PNLIPRP3: variants seen among roughly 807,000 people sequenced by gnomAD.
The protein encoded by PNLIPRP3 is pancreatic lipase related protein 3.
Under a neutral mutation model 52.8 loss-of-function variants are expected in PNLIPRP3, and 58 were observed. That is an observed-to-expected ratio of 1.10 (90% CI 0.89 to 1.37). PNLIPRP3 has a LOEUF of 1.37. Ranked by LOEUF, PNLIPRP3 falls within the 40% of genes most tolerant of loss-of-function variation. The probability of loss-of-function intolerance (pLI) is 0.00; values close to 1 mark genes in which losing one functional copy is unlikely to be tolerated. For synonymous variants in PNLIPRP3, 192 were observed against 185.0 expected (o/e 1.04, Z -0.31); for missense variants, 593 against 561.6 (o/e 1.06, Z -0.57).
Position 116,469,430 on chromosome 10 carries a change from T to A in PNLIPRP3, c.1060+113T>A, listed in dbSNP as rs563241579. ...ACTGGGCATTAGGCCAGACTGGGAT[T>A]TCAGTGAAGAACAACACAGTGAGGT... On this transcript the variant is annotated intron_variant, in intron 9 of 11. Coordinates refer to ENST00000369230, the MANE Select transcript of PNLIPRP3 (RefSeq NM_001011709.3). The A allele has an allele frequency of 2.7e-6, 3 of 1,102,804 alleles. No homozygotes were observed. The African/African-American group carries it at 4.9e-5, about 18-fold the overall frequency. The allele number at this position is 1,102,804 out of a possible 1,614,324, so 68.3% of individuals were successfully genotyped here.
At position 116,477,638 on chromosome 10, in the gene PNLIPRP3, T is replaced by C. The variant is rs779776207; in HGVS notation, c.*485T>C. Reference sequence around the variant, plus strand: ...ATATAGTAGATTATAACCTTGTGGGTTGATGTGTCTATCTAGTAATAATAA... The same window carrying C: ...ATATAGTAGATTATAACCTTGTGGGCTGATGTGTCTATCTAGTAATAATAA... On this transcript the variant is annotated 3_prime_UTR_variant, in exon 12 of 12. Coordinates refer to ENST00000369230, the MANE Select transcript of PNLIPRP3 (RefSeq NM_001011709.3). 6.6e-6 allele frequency: 1 copy of C among 152,456 alleles called. No homozygotes were observed. The highest frequency in any genetic ancestry group is 2.4e-5 in the African/African-American group (1 of 41,454). The allele number at this position is 152,456 out of a possible 1,614,324, so 9.4% of individuals were successfully genotyped here.
At chr10:116,460,445 C>A (rs564954512) in intron 5 of PNLIPRP3, among the ~76,000 whole-genome samples, 1 of 152,320 alleles carries the variant, frequency 6.6e-6, no homozygotes, top group South Asian at 2.1e-4. Flanking sequence ...TTGCCTCTAA[C>A]ACATGATAAC....
At chr10:116,463,124 A>G (rs1459666820) in intron 7 of PNLIPRP3, among the ~76,000 whole-genome samples, 1 of 152,256 alleles carries the variant, frequency 6.6e-6, no homozygotes, top group Non-Finnish European at 1.5e-5. Context: ...GATGCCAATT[A>G]TTAATCTGTG....
chr10:116,465,912 C>A, intron 7 of PNLIPRP3, 138 bp from the exon 8 acceptor site: 1 of 696,570 alleles, frequency 1.4e-6, no homozygotes, highest in Non-Finnish European at 2.6e-6. Context: ...GATAAATGTA[C>A]AATATCCAAG....
chr10:116,446,214 C>T (rs1182739071), intron 4 of PNLIPRP3, among the ~76,000 whole-genome samples: 5 of 151,790 alleles, frequency 3.3e-5, no homozygotes, highest in African/African-American at 7.2e-5. Context: ...GGTGTGTTGG[C>T]GGGCACCTGT....
rs777288231 is a variant in PNLIPRP3, at chr10:116,444,517, A to T, written c.456+4A>T. Reference sequence around the variant, plus strand: ...TTATTTTATTGATGTTCTCATGGTAAGAAGAGTTGATTTTTTTTTAATTAT... The same window carrying T: ...TTATTTTATTGATGTTCTCATGGTATGAAGAGTTGATTTTTTTTTAATTAT... On this transcript the variant is annotated splice_donor_region_variant and intron_variant, in intron 4 of 11. Transcript: ENST00000369230. 4.4e-6 allele frequency: 7 copies of T among 1,606,652 alleles called. No homozygotes were observed. Among genetic ancestry groups the T allele is most frequent in the African/African-American group, 1.3e-5 (1 of 74,252 alleles).
intron 9 of PNLIPRP3, among the ~76,000 whole-genome samples, chr10:116,470,185 A>C (rs1027488336): frequency 5.2e-4 from 79 of 151,992 alleles, no homozygotes; most frequent in African/African-American, 1.8e-3. Flanking sequence ...GTTACGTTGG[A>C]GCTGCCTTTA....
intron 2 of PNLIPRP3, 112 bp downstream of exon 2, chr10:116,436,977 A>G: frequency 9.0e-7 from 1 of 1,105,480 alleles, no homozygotes; most frequent in Non-Finnish European, 1.2e-6. Context: ...ATTGACTTAA[A>G]TGCAAACATT....
intron 4 of PNLIPRP3, among the ~76,000 whole-genome samples, chr10:116,450,234 T>C (rs1283903051): frequency 6.6e-6 from 1 of 152,202 alleles, no homozygotes; most frequent in Non-Finnish European, 1.5e-5. Flanking sequence ...GCTTTGAATG[T>C]GGCCCCACAC....
intron 10 of PNLIPRP3, among the ~76,000 whole-genome samples, chr10:116,474,368 C>T (rs1431304595): frequency 1.3e-5 from 2 of 152,118 alleles, no homozygotes; most frequent in African/African-American, 4.8e-5. Context: ...TTAGGTAATA[C>T]CACTCAGGAC....
chr10:116,460,824 T>C (rs972562364), intron 5 of PNLIPRP3, 142 bp from the exon 6 acceptor site: 3 of 1,130,586 alleles, frequency 2.7e-6, no homozygotes, highest in Non-Finnish European at 3.7e-6. Context: ...CCTACATTTA[T>C]AGATTTAGGT....
chr10:116,434,614 C>A (rs930734636), intron 1 of PNLIPRP3, among the ~76,000 whole-genome samples: 7 of 152,166 alleles, frequency 4.6e-5, no homozygotes, highest in African/African-American at 1.2e-4. Context: ...TGGTAGATAA[C>A]CCTGGTAAGC....
chr10:116,463,611 G>A (rs556311890), intron 7 of PNLIPRP3, among the ~76,000 whole-genome samples: 45 of 152,288 alleles, frequency 3.0e-4, no homozygotes, highest in Admixed American at 7.8e-4. Flanking sequence ...CTGTAATGGG[G>A]CAGGGGTATT....
chr10:116,428,102 A>T, intron 1 of PNLIPRP3, 41 bp downstream of exon 1: 1 of 1,374,150 alleles, frequency 7.3e-7, no homozygotes, highest in Non-Finnish European at 1.0e-6. Context: ...AAAAATAATG[A>T]GTATACTTAC....
Position 116,436,984 on chromosome 10 carries a change from C to T in PNLIPRP3, c.204+119C>T, listed in dbSNP as rs191032546. 1.3e-4 allele frequency: 134 copies of T among 1,042,092 alleles called. 1 individual carries two copies. In the South Asian group the frequency reaches 3.2e-3, roughly 25 times the overall value. 64.6% of individuals were successfully genotyped at this position (1,042,092 alleles called of 1,614,324 possible). On this transcript the variant is annotated intron_variant, in intron 2 of 11. Transcript: ENST00000369230. ...CATATGCTATTGACTTAAATGCAAA[C>T]ATTTCTTTTCAGTATTATGAGTCAG... is the stretch of plus-strand genomic sequence containing the variant.
intron 2 of PNLIPRP3, among the ~76,000 whole-genome samples, chr10:116,440,239 T>A (rs947433596): frequency 3.3e-5 from 5 of 152,156 alleles, no homozygotes; most frequent in Non-Finnish European, 7.3e-5. Flanking sequence ...TCCTTTTATA[T>A]AAGTGGCCAT....
chr10:116,448,148 T>C (rs1242139467), intron 4 of PNLIPRP3, among the ~76,000 whole-genome samples: 1 of 152,014 alleles, frequency 6.6e-6, no homozygotes, highest in Admixed American at 6.6e-5. Context: ...TACTGTAACA[T>C]GTGTGTGTAA....
At chr10:116,436,393 A>G (rs73381528) in intron 1 of PNLIPRP3, among the ~76,000 whole-genome samples, 3 of 152,144 alleles carry the variant, frequency 2.0e-5, no homozygotes, top group Non-Finnish European at 4.4e-5. Flanking sequence ...TAAAACTCCT[A>G]TGAGAAAACA....
At chr10:116,463,854 G>T (rs975656954) in intron 7 of PNLIPRP3, among the ~76,000 whole-genome samples, 4 of 152,106 alleles carry the variant, frequency 2.6e-5, no homozygotes, top group African/African-American at 9.7e-5. Flanking sequence ...AGCATAAATG[G>T]CTGGGCACAG....
Sources: gnomAD v4.1 joint callset for allele counts (sites outside exome capture counted in the v4.1 genomes callset) on GRCh38, gnomAD v4.1.1 for gene constraint, MANE v1.5 for transcripts, NCBI Gene and HGNC (gene_info 2026-07-23, HGNC 2026-07-21) for gene names.